Variants in ACOXL observed in about 807,000 individuals in gnomAD.
ACOXL encodes the protein acyl-coenzyme A oxidase-like protein.
A neutral mutation model predicts 71.9 loss-of-function variants in ACOXL; 70 were observed. The ratio of observed to expected loss-of-function variants is 0.97; its 90% CI spans 0.80 to 1.19. ACOXL has a LOEUF of 1.19. Ranked by LOEUF, ACOXL falls within the 50% of genes most tolerant of loss-of-function variation. The pLI is 0.00. For missense variants in ACOXL, 703 were observed against 736.3 expected (o/e 0.95, Z 0.52); for synonymous variants, 253 against 281.6 (o/e 0.90, Z 1.02).
chr2:110,763,699 A>G (rs919407452), intron 1 of ACOXL, among the ~76,000 whole-genome samples: 1 of 152,238 alleles, frequency 6.6e-6, no homozygotes, highest in African/African-American at 2.4e-5. Flanking sequence ...ATTGAATTTT[A>G]TTAAAAGGAA....
intron 16 of ACOXL, among the ~76,000 whole-genome samples, chr2:111,085,407 A>G (rs987684437): frequency 6.6e-6 from 1 of 152,224 alleles, no homozygotes; most frequent in African/African-American, 2.4e-5. Context: ...ATAAAAGTAG[A>G]AATCAAGACT....
intron 14 of ACOXL, among the ~76,000 whole-genome samples, chr2:111,000,294 A>G (rs915793760): frequency 6.6e-6 from 1 of 152,180 alleles, no homozygotes; most frequent in Non-Finnish European, 1.5e-5. Flanking sequence ...TACCCAATCA[A>G]TGAAGTGATC....
chr2:110,968,586 A>ATGAAAAGAAGCCCAAGAAAGAAGT (rs2062036718), intron 12 of ACOXL: 1 of 932,454 alleles, frequency 1.1e-6, no homozygotes, highest in Non-Finnish European at 1.7e-6. Context: ...CATCAAGTCT[A>ATGAAAAGAAGCCCAAGAAAGAAGT]TGAAAAGAAG....
intron 11 of ACOXL, among the ~76,000 whole-genome samples, chr2:110,931,798 A>G (rs1307524301): frequency 6.6e-6 from 1 of 152,224 alleles, no homozygotes; most frequent in Non-Finnish European, 1.5e-5. Flanking sequence ...ATGTAGAACA[A>G]CTATAATTAT....
At chr2:110,776,510 G>A (rs1218307616) in intron 2 of ACOXL, among the ~76,000 whole-genome samples, 1 of 152,182 alleles carries the variant, frequency 6.6e-6, no homozygotes, top group Non-Finnish European at 1.5e-5. Context: ...ATGATGAGGT[G>A]ACATTGGAGC....
At chr2:111,116,918 C>A (rs955117084) in intron 17 of ACOXL, among the ~76,000 whole-genome samples, 1 of 152,236 alleles carries the variant, frequency 6.6e-6, no homozygotes, top group Non-Finnish European at 1.5e-5. Context: ...TCCTATCCGC[C>A]GGGAATGTCT....
intron 10 of ACOXL, among the ~76,000 whole-genome samples, chr2:110,856,108 C>T (rs1693209594): frequency 6.6e-6 from 1 of 152,134 alleles, no homozygotes; most frequent in African/African-American, 2.4e-5. Flanking sequence ...TTACAATCCT[C>T]TTGCTAGCTA....
chr2:110,777,014 G>T (rs1195172724), intron 2 of ACOXL, among the ~76,000 whole-genome samples: 1 of 151,822 alleles, frequency 6.6e-6, no homozygotes, highest in Non-Finnish European at 1.5e-5. Context: ...TGAGAGAGGG[G>T]AAAGAAAATG....
At chr2:110,924,671 C>T (rs2060205667) in intron 11 of ACOXL, among the ~76,000 whole-genome samples, 1 of 152,072 alleles carries the variant, frequency 6.6e-6, no homozygotes, top group African/African-American at 2.4e-5. Context: ...GCTGTTTCCA[C>T]CATATCTACA....
At chr2:111,107,139 G>T (rs1032309712) in intron 17 of ACOXL, among the ~76,000 whole-genome samples, 7 of 152,240 alleles carry the variant, frequency 4.6e-5, no homozygotes, top group African/African-American at 1.7e-4. Flanking sequence ...TATGGCAGAG[G>T]TTGGGGGCAT....
chr2:111,045,968 G>A (rs1288457440), intron 15 of ACOXL, among the ~76,000 whole-genome samples: 1 of 152,160 alleles, frequency 6.6e-6, no homozygotes, highest in African/African-American at 2.4e-5. Context: ...TGGACATCAT[G>A]GGGACAGGAC....
At chr2:110,920,024 A>G (rs918452661) in intron 11 of ACOXL, among the ~76,000 whole-genome samples, 1 of 152,192 alleles carries the variant, frequency 6.6e-6, no homozygotes, top group African/African-American at 2.4e-5. Flanking sequence ...ACTACTAAAA[A>G]CTATTCTCAA....
intron 10 of ACOXL, among the ~76,000 whole-genome samples, chr2:110,846,641 G>GCGCACGCACACA (rs148602789): frequency 9.4e-5 from 13 of 137,928 alleles, no homozygotes; most frequent in Non-Finnish European, 2.0e-4. Flanking sequence ...ATGCATACAC[G>GCGCACGCACACA]CACACACACA....
chr2:111,099,181 A>C (rs891298970), intron 17 of ACOXL: 1 of 152,246 alleles, frequency 6.6e-6, no homozygotes, highest in Non-Finnish European at 1.5e-5. Flanking sequence ...ATCCATCCAC[A>C]TATTCAGAAG....
At chr2:110,922,476 C>T (rs1444199480) in intron 11 of ACOXL, among the ~76,000 whole-genome samples, 1 of 152,132 alleles carries the variant, frequency 6.6e-6, no homozygotes, top group African/African-American at 2.4e-5. Context: ...TCTCAGTCAA[C>T]TATTTGCAAA....
chr2:110,818,171 G>GA (rs1688140390), intron 9 of ACOXL, among the ~76,000 whole-genome samples: 1 of 151,750 alleles, frequency 6.6e-6, no homozygotes, highest in Non-Finnish European at 1.5e-5. Flanking sequence ...AAGTCGGGGG[G>GA]ATCACCTGAG....
rs10537484 is a variant in ACOXL, at chr2:110,901,642, C to CCACACACACA, written c.789-7124_789-7115dup. Among the ~76,000 whole-genome samples, 175 of 147,122 alleles carry CCACACACACA rather than the reference C, an allele frequency of 1.2e-3. 1 individual carries two copies. Among genetic ancestry groups the CCACACACACA allele is most frequent in the African/African-American group, 4.1e-3 (164 of 39,846 alleles). On this transcript the variant is annotated intron_variant, in intron 10 of 17. Transcript: ENST00000439055. ...TATCAAAGAAGCATATATCTCTACG[C>CCACACACACA]CACACACACACACACACACACACAC...
chr2:110,896,877 G>T (rs189595869), intron 10 of ACOXL, among the ~76,000 whole-genome samples: 1 of 152,060 alleles, frequency 6.6e-6, no homozygotes, highest in African/African-American at 2.4e-5. Context: ...CAGCCAATAG[G>T]ATCTAATTGA....
intron 12 of ACOXL, among the ~76,000 whole-genome samples, chr2:110,984,454 G>A (rs1476315288): frequency 6.6e-6 from 1 of 152,052 alleles, no homozygotes; most frequent in African/African-American, 2.4e-5. Context: ...CGTGGTAGCT[G>A]ATGGCTTCAA....
Sources: gnomAD v4.1 joint callset for allele counts (sites outside exome capture counted in the v4.1 genomes callset) on GRCh38, gnomAD v4.1.1 for gene constraint, MANE v1.5 for transcripts, NCBI Gene and HGNC (gene_info 2026-07-23, HGNC 2026-07-21) for gene names.